The following PDE3A variants were observed in gnomAD, a reference collection of about 807,000 sequenced individuals.
PDE3A encodes the protein cGMP-inhibited 3',5'-cyclic phosphodiesterase 3A.
PDE3A carries 43 observed loss-of-function variants against 98.3 expected under a neutral mutation model. The ratio of observed to expected loss-of-function variants is 0.44; its 90% CI spans 0.34 to 0.56. The LOEUF (loss-of-function observed/expected upper bound fraction) is 0.56, where lower values mean the gene tolerates loss of function less well. Among genes scored for constraint, PDE3A ranks in the 20% least tolerant of loss-of-function variants. The pLI, the probability that PDE3A is intolerant of heterozygous loss-of-function variation, is 0.01. For missense variants in PDE3A, 1,427 were observed against 1,440.7 expected (o/e 0.99, Z 0.15); for synonymous variants, 663 against 567.9 (o/e 1.17, Z -2.38).
rs745977446 is a variant in PDE3A at position 20,637,246 on chromosome 12, T to C, written c.2139+9T>C. The C allele has an allele frequency of 1.3e-6, 2 of 1,591,480 alleles. No homozygotes were observed. Among genetic ancestry groups the C allele is most frequent in the Non-Finnish European group, 1.7e-6 (2 of 1,164,056 alleles). ...GCCGTATTCTTAGTCAGGTAAGAAA[T>C]GCATTCATTCACACTAATTTAAATA... On this transcript the variant is annotated intron_variant, in intron 9 of 15. Coordinates refer to ENST00000359062, the MANE Select transcript of PDE3A (RefSeq NM_000921.5).
chr12:20,547,756 G>T (rs112226792), intron 1 of PDE3A, among the ~76,000 whole-genome samples: 1 of 151,542 alleles, frequency 6.6e-6, no homozygotes, highest in Non-Finnish European at 1.5e-5. Context: ...TTTTTCTCCC[G>T]AGAAGCCCCT....
intron 1 of PDE3A, among the ~76,000 whole-genome samples, chr12:20,387,771 C>G (rs1464029720): frequency 6.6e-6 from 1 of 151,950 alleles, no homozygotes; most frequent in Non-Finnish European, 1.5e-5. Flanking sequence ...ACATTGTTTA[C>G]ATACTGCTTG....
At chr12:20,502,837 TAGAAGATGGTTA>T (rs1485446404) in intron 1 of PDE3A, among the ~76,000 whole-genome samples, 1 of 152,130 alleles carries the variant, frequency 6.6e-6, no homozygotes, top group African/African-American at 2.4e-5. Context: ...CTCCTGCCAA[TAGAAGATGGTTA>T]AGAAGTGGTG....
Position 20,369,565 on chromosome 12 carries a change from AGGC to A in PDE3A, c.293_295del (p.Ala98del), listed in dbSNP as rs760131099. 7 of 1,555,978 alleles carry A rather than the reference AGGC, an allele frequency of 4.5e-6. No individual in the cohort carries two copies. Among genetic ancestry groups the A allele is most frequent in the South Asian group, 3.6e-5 (3 of 84,146 alleles). Reference sequence around the variant, plus strand: ...GGCTGTGACCTGGAGCAGTGTAAGGAGGCGGCGGCGGCGGAGGAGGAGGAAGCA... The same window carrying A: ...GGCTGTGACCTGGAGCAGTGTAAGGAGGCGGCGGCGGAGGAGGAGGAAGCA... On this transcript the variant is annotated inframe_deletion, in exon 1 of 16. Transcript: ENST00000359062.
chr12:20,523,057 C>T (rs1657602649), intron 1 of PDE3A, among the ~76,000 whole-genome samples: 1 of 150,318 alleles, frequency 6.7e-6, no homozygotes, highest in Non-Finnish European at 1.5e-5. Context: ...TGGGGTATAC[C>T]TGGGCGGTGG....
chr12:20,378,221 T>A (rs775438319), intron 1 of PDE3A, among the ~76,000 whole-genome samples: 5 of 151,648 alleles, frequency 3.3e-5, no homozygotes, highest in Non-Finnish European at 5.9e-5. Flanking sequence ...CTGAGTTCAC[T>A]CCGGTTTGCA....
At chr12:20,497,473 C>G (rs1353816647) in intron 1 of PDE3A, among the ~76,000 whole-genome samples, 1 of 151,122 alleles carries the variant, frequency 6.6e-6, no homozygotes, top group African/African-American at 2.4e-5. Flanking sequence ...GCAGGTGTTT[C>G]TGCTATAACG....
In PDE3A at chr12:20,629,973, A is replaced by G. The variant is rs780452825; in HGVS notation, c.1606A>G (p.Ser536Gly). The G allele has an allele frequency of 1.2e-6, 2 of 1,614,078 alleles. No individual in the cohort carries two copies. The highest frequency in any genetic ancestry group is 1.7e-4 in the Middle Eastern group (1 of 6,058). ...CTCACCTCTCCAAGGGACTCCTGCC[A>G]GCAGCCTGGTCAGCAAAATTTCTGC... ...CSSPLQGTPA[S>G]SLVSKISAVQ... is the part of the protein sequence containing the mutation. The change falls in exon 6 of 16, where the codon AGC (serine) becomes GGC (glycine). Residue 536 changes from serine to glycine, a missense_variant. Physicochemically the swap from Ser to Gly is moderately conservative, Grantham distance 56 (BLOSUM62 0). Transcript: ENST00000359062.
chr12:20,426,790 T>A (rs971443385), intron 1 of PDE3A, among the ~76,000 whole-genome samples: 3 of 152,222 alleles, frequency 2.0e-5, no homozygotes, highest in African/African-American at 7.2e-5. Flanking sequence ...AGCAATCATA[T>A]AAGAATTCCT....
At chr12:20,558,237 G>GT (rs948257888) in intron 2 of PDE3A, among the ~76,000 whole-genome samples, 3 of 151,248 alleles carry the variant, frequency 2.0e-5, no homozygotes, top group Non-Finnish European at 4.4e-5. Flanking sequence ...GTACAGTATG[G>GT]TTTTTGTTAA....
At chr12:20,389,887 G>C (rs1943882089) in intron 1 of PDE3A, among the ~76,000 whole-genome samples, 1 of 151,530 alleles carries the variant, frequency 6.6e-6, no homozygotes, top group Non-Finnish European at 1.5e-5. Context: ...GTTTATGTTA[G>C]TAGTAGGCTG....
chr12:20,529,691 A>G (rs1946589614), intron 1 of PDE3A, among the ~76,000 whole-genome samples: 1 of 152,156 alleles, frequency 6.6e-6, no homozygotes, highest in Non-Finnish European at 1.5e-5. Context: ...CTTCTCTTAC[A>G]GATGTGAGAG....
Position 20,685,324 on chromosome 12 carries a change from G to A in PDE3A, c.*5053G>A, listed in dbSNP as rs1327269602. Among the ~76,000 whole-genome samples the A allele has an allele frequency of 6.9e-6, 1 of 145,808 alleles. No individual in the cohort carries two copies. The highest frequency in any genetic ancestry group is 7.1e-5 in the Admixed American group (1 of 14,010). On this transcript the variant is annotated 3_prime_UTR_variant, in exon 16 of 16. Coordinates refer to ENST00000359062, the MANE Select transcript of PDE3A (RefSeq NM_000921.5). ...CTACCCAGGAGGCTGAGGCAGAATC[G>A]CTTGAACCTGGGAGGCAGAGGTTAT...
At chr12:20,668,609 G>C (rs1450321650) in intron 15 of PDE3A, among the ~76,000 whole-genome samples, 2 of 152,066 alleles carry the variant, frequency 1.3e-5, no homozygotes, top group Non-Finnish European at 2.9e-5. Flanking sequence ...CACATGGCAG[G>C]GTACTCCAAC....
intron 1 of PDE3A, among the ~76,000 whole-genome samples, chr12:20,543,111 A>G (rs985790675): frequency 1.3e-5 from 2 of 152,054 alleles, no homozygotes; most frequent in Non-Finnish European, 2.9e-5. Context: ...TTAAGTTCAT[A>G]TAGTTAATAA....
intron 1 of PDE3A, among the ~76,000 whole-genome samples, chr12:20,527,900 G>C (rs1412610398): frequency 3.3e-5 from 5 of 150,184 alleles, no homozygotes; most frequent in African/African-American, 9.8e-5. Flanking sequence ...CATTTTATGT[G>C]TGTCTGTATA....
chr12:20,665,476 T>A (rs1261719359), intron 15 of PDE3A, among the ~76,000 whole-genome samples: 2 of 152,234 alleles, frequency 1.3e-5, no homozygotes, highest in African/African-American at 4.8e-5. Flanking sequence ...ATTTCTTTTT[T>A]AAATGCATAC....
chr12:20,546,747 A>T (rs1309364972), intron 1 of PDE3A, among the ~76,000 whole-genome samples: 1 of 151,976 alleles, frequency 6.6e-6, no homozygotes, highest in Non-Finnish European at 1.5e-5. Flanking sequence ...GGGACAATAA[A>T]ATTGTACTAT....
At chr12:20,495,115 A>G (rs915686920) in intron 1 of PDE3A, among the ~76,000 whole-genome samples, 2 of 152,098 alleles carry the variant, frequency 1.3e-5, no homozygotes, top group Admixed American at 1.3e-4. Context: ...GAATTTTTAT[A>G]TACTCTCCTT....
Sources: gnomAD v4.1 joint callset for allele counts (sites outside exome capture counted in the v4.1 genomes callset) on GRCh38, gnomAD v4.1.1 for gene constraint, MANE v1.5 for transcripts, NCBI Gene and HGNC (gene_info 2026-07-23, HGNC 2026-07-21) for gene names.